Variants in CEACAM5 observed in about 807,000 individuals in gnomAD.
The protein encoded by CEACAM5 is CEA cell adhesion molecule 5, also known as cell adhesion molecule CEACAM5.
Under a neutral mutation model 63.0 loss-of-function variants are expected in CEACAM5, and 52 were observed. The ratio of observed to expected loss-of-function variants is 0.83; its 90% confidence interval spans 0.66 to 1.04. The LOEUF is 1.04. CEACAM5 is among the 50% of genes least tolerant of loss of function. CEACAM5 has a pLI of 0.00. For synonymous variants in CEACAM5, 357 were observed against 351.3 expected, an observed-to-expected ratio of 1.02 and a Z score of -0.18; for missense variants, 790 against 864.8, an observed-to-expected ratio of 0.91 and a Z score of 1.08.
At chr19:41,710,907 C>T (rs1568700156) in intron 2 of CEACAM5, among the ~76,000 whole-genome samples, 1 of 152,180 alleles carries the variant, frequency 6.6e-6, no homozygotes, top group South Asian at 2.1e-4. Context: ...ACCTCACAGC[C>T]AAATAGCACT....
chr19:41,722,363 CAAAAA>C (rs35093497), intron 8 of CEACAM5, among the ~76,000 whole-genome samples: 1 of 87,544 alleles, frequency 1.1e-5, no homozygotes. Context: ...GACTACATCA[CAAAAA>C]AAAAAAAAAA....
rs1327684522 is a variant in CEACAM5, at chr19:41,709,948, C to T, written c.333C>T (p.Asn111=). 3 of 1,613,934 alleles carry T rather than the reference C, an allele frequency of 1.9e-6. No individual in the cohort carries two copies. The highest frequency in any genetic ancestry group is 1.7e-5 in the Admixed American group (1 of 60,000). Residue 111 remains asparagine, a synonymous_variant, in exon 2 of 10, where the codon AAC becomes AAT. Coordinates refer to ENST00000221992, the MANE Select transcript of CEACAM5 (RefSeq NM_004363.6). ...IYPNASLLIQ[N]IIQNDTGFYT... The stretch of plus-strand genomic sequence containing the variant: ...CCAATGCATCCCTGCTGATCCAGAA[C>T]ATCATCCAGAATGACACAGGATTCT...
At chr19:41,710,826 C>G (rs1402782630) in intron 2 of CEACAM5, among the ~76,000 whole-genome samples, 1 of 152,220 alleles carries the variant, frequency 6.6e-6, no homozygotes, top group Non-Finnish European at 1.5e-5. Context: ...AAATGATGTT[C>G]ATTTGAGCAG....
chr19:41,728,803 A>AAAAAAAAAAG (rs1230457032), intron 9 of CEACAM5, among the ~76,000 whole-genome samples: 152 of 151,444 alleles, frequency 1.0e-3, no homozygotes, highest in African/African-American at 3.6e-3. Flanking sequence ...AAAAAAAAAA[A>AAAAAAAAAAG]AAGAATTGCC....
intron 3 of CEACAM5, 29 bp from the exon 4 acceptor site, chr19:41,715,621 C>A (rs782652861): frequency 3.7e-6 from 6 of 1,612,746 alleles, no homozygotes; most frequent in Middle Eastern, 1.6e-4. Flanking sequence ...CTGACAATAT[C>A]ACCTGTGGCT....
chr19:41,718,075 C>T (rs781860956), intron 5 of CEACAM5, 53 bp from the exon 6 acceptor site: 1 of 1,597,822 alleles, frequency 6.3e-7, no homozygotes, highest in Non-Finnish European at 8.5e-7. Flanking sequence ...AGACCAGGAG[C>T]TTCCCCTTTG....
intron 2 of CEACAM5, among the ~76,000 whole-genome samples, chr19:41,713,015 G>C (rs1310641916): frequency 6.6e-6 from 1 of 152,134 alleles, no homozygotes; most frequent in African/African-American, 2.4e-5. Context: ...CAAAAGAAAT[G>C]CTCACTGAAG....
In CEACAM5 at chr19:41,720,057, C is replaced by G; in HGVS notation, c.1620C>G (p.Ser540Arg). Residue 540 changes from serine to arginine, a missense_variant, in exon 7 of 10, where the codon AGC becomes AGG. Transcript: ENST00000221992. ...ACCTGTGGTGGGTAAATGGTCAGAG[C>G]CTCCCAGTCAGTCCCAGGCTGCAGC... ...TTYLWWVNGQ[S>R]LPVSPRLQLS... The G allele has an allele frequency of 6.2e-7, 1 of 1,614,226 alleles. No homozygotes were observed.
At position 41,714,950 on chromosome 19, in the gene CEACAM5, TTCTC is replaced by T; in HGVS notation, c.425-17_425-14del. The stretch of plus-strand genomic sequence containing the variant: ...ATCAAAGGTGCCACACAGGGCAATC[TTCTC>T]TCTGTTATCTGCACAGCGGAGCTGC... On this transcript the variant is annotated splice_polypyrimidine_tract_variant and intron_variant, in intron 2 of 9. Coordinates refer to ENST00000221992, the MANE Select transcript of CEACAM5 (RefSeq NM_004363.6). 6.2e-7 allele frequency: 1 copy of T among 1,613,940 alleles called. No individual in the cohort carries two copies. Among genetic ancestry groups the T allele is most frequent in the Non-Finnish European group, 8.5e-7 (1 of 1,179,850 alleles).
At chr19:41,715,390 A>G in intron 3 of CEACAM5, 141 bp downstream of exon 3, 1 of 1,365,246 alleles carries the variant, frequency 7.3e-7, no homozygotes, top group Non-Finnish European at 1.0e-6. Context: ...TTTCTGCCCC[A>G]GAAAAACCTG....
chr19:41,714,480 C>T (rs1474099893), intron 2 of CEACAM5, among the ~76,000 whole-genome samples: 1 of 152,190 alleles, frequency 6.6e-6, no homozygotes, highest in Non-Finnish European at 1.5e-5. Flanking sequence ...GGCCAGGCTG[C>T]ACAATATGTA....
intron 1 of CEACAM5, among the ~76,000 whole-genome samples, chr19:41,709,088 C>T (rs2072389640): frequency 6.6e-6 from 1 of 152,226 alleles, no homozygotes; most frequent in Admixed American, 6.5e-5. Flanking sequence ...GGGCATGAAA[C>T]ACTGTCCTCA....
At chr19:41,715,532 T>C (rs1555814858) in intron 3 of CEACAM5, 118 bp from the exon 4 acceptor site, 1 of 1,373,684 alleles carries the variant, frequency 7.3e-7, no homozygotes, top group East Asian at 2.3e-5. Context: ...CAAGAGGGGT[T>C]TGGCTGAGAC....
At chr19:41,715,997 C>A in intron 4 of CEACAM5, 93 bp downstream of exon 4, 1 of 1,467,036 alleles carries the variant, frequency 6.8e-7, no homozygotes, top group Non-Finnish European at 9.4e-7. Flanking sequence ...CTATCCCAGC[C>A]TGTGTCCAGT....
intron 6 of CEACAM5, among the ~76,000 whole-genome samples, chr19:41,719,466 A>T (rs1555815702): frequency 6.6e-6 from 1 of 152,012 alleles, no homozygotes; most frequent in East Asian, 1.9e-4. Flanking sequence ...TGGTCTCCTG[A>T]GCTATTTCTG....
At chr19:41,714,832 C>G in intron 2 of CEACAM5, 139 bp from the exon 3 acceptor site, 1 of 1,475,264 alleles carries the variant, frequency 6.8e-7, no homozygotes, top group South Asian at 1.3e-5. Context: ...GTGCATCTGT[C>G]TTGTGACACA....
At chr19:41,721,943 G>C (rs1459985605) in intron 8 of CEACAM5, among the ~76,000 whole-genome samples, 1 of 152,192 alleles carries the variant, frequency 6.6e-6, no homozygotes, top group Admixed American at 6.5e-5. Context: ...TGGAGAAATA[G>C]GGAGATTCAG....
At chr19:41,723,630 C>T (rs782739954) in intron 8 of CEACAM5, among the ~76,000 whole-genome samples, 2 of 151,990 alleles carry the variant, frequency 1.3e-5, no homozygotes, top group African/African-American at 2.4e-5. Context: ...TTCACTTTCT[C>T]GATAATGTTC....
At chr19:41,711,786 C>T (rs879969440) in intron 2 of CEACAM5, among the ~76,000 whole-genome samples, 9 of 152,180 alleles carry the variant, frequency 5.9e-5, no homozygotes, top group Non-Finnish European at 1.0e-4. Flanking sequence ...CATCCCTGAA[C>T]ATCTTCCTCC....
Sources: allele counts gnomAD v4.1 joint callset (sites outside exome capture counted in the v4.1 genomes callset), GRCh38; gene constraint gnomAD v4.1.1; transcripts MANE v1.5; gene names NCBI Gene and HGNC (gene_info 2026-07-23, HGNC 2026-07-21).